The following CPNE4 variants were observed in gnomAD, a reference collection of about 807,000 sequenced individuals.
The protein encoded by CPNE4 is copine-4.
A neutral mutation model predicts 67.9 loss-of-function variants in CPNE4; 25 were observed. The observed-to-expected ratio is 0.37, with a 90% confidence interval of 0.27 to 0.51. The LOEUF is 0.51. CPNE4 is among the 20% of genes least tolerant of loss of function. The pLI is 0.93. For missense variants in CPNE4, 464 were observed against 690.8 expected (o/e 0.67, Z 3.68); for synonymous variants, 242 against 244.9 (o/e 0.99, Z 0.11).
chr3:131,572,978 C>T (rs534721270), intron 10 of CPNE4, among the ~76,000 whole-genome samples: 2 of 152,104 alleles, frequency 1.3e-5, no homozygotes, highest in Admixed American at 6.5e-5. Flanking sequence ...TTTTTCTTAA[C>T]GATTTGCATT....
intron 2 of CPNE4, among the ~76,000 whole-genome samples, chr3:131,737,681 C>T (rs1441603092): frequency 1.3e-5 from 2 of 152,096 alleles, no homozygotes; most frequent in Non-Finnish European, 2.9e-5. Context: ...TGCTAAGTCC[C>T]CAATGTTCAT....
At chr3:131,832,157 G>A (rs746678676) in intron 2 of CPNE4, among the ~76,000 whole-genome samples, 13 of 152,098 alleles carry the variant, frequency 8.5e-5, no homozygotes, top group South Asian at 2.1e-4. Context: ...CTTTAGAGGC[G>A]TTTGTTATAG....
At chr3:131,675,585 T>C (rs930625675) in intron 6 of CPNE4, among the ~76,000 whole-genome samples, 1 of 152,172 alleles carries the variant, frequency 6.6e-6, no homozygotes, top group Non-Finnish European at 1.5e-5. Flanking sequence ...TTCATTGTTT[T>C]TGTCTTGAAA....
intron 1 of CPNE4, among the ~76,000 whole-genome samples, chr3:131,907,565 CATTTATGT>C (rs2088822451): frequency 6.6e-6 from 1 of 151,994 alleles, no homozygotes; most frequent in Non-Finnish European, 1.5e-5. Flanking sequence ...CATGCTTATT[CATTTATGT>C]ATTTATGTAT....
At chr3:131,637,028 G>T (rs150527874) in intron 7 of CPNE4, among the ~76,000 whole-genome samples, 21 of 152,154 alleles carry the variant, frequency 1.4e-4, no homozygotes, top group African/African-American at 4.3e-4. Flanking sequence ...TGGGACAAAA[G>T]AATCTGAACA....
chr3:131,668,878 G>A (rs527755822), intron 7 of CPNE4, among the ~76,000 whole-genome samples: 18 of 152,136 alleles, frequency 1.2e-4, no homozygotes, highest in African/African-American at 2.9e-4. Flanking sequence ...GAAAGCCTTC[G>A]TGATAGATCG....
chr3:131,831,582 A>G (rs1398161130), intron 2 of CPNE4, among the ~76,000 whole-genome samples: 3 of 152,172 alleles, frequency 2.0e-5, no homozygotes, highest in African/African-American at 7.2e-5. Context: ...TTTCTCTTCT[A>G]TGTTGAAAAT....
rs57977015 is a variant in CPNE4, at chr3:131,627,193, C to CAAAAA, written c.682-39616_682-39612dup. Among the ~76,000 whole-genome samples the CAAAAA allele has an allele frequency of 2.7e-3, 184 of 68,308 alleles. 4 individuals carry two copies. The highest frequency in any genetic ancestry group is 2.1e-3 in the African/African-American group (51 of 24,238). 44.8% of individuals were successfully genotyped at this position (68,308 alleles called of 152,430 possible). A position where few individuals can be genotyped will look rare whatever the true frequency, so the allele number is the denominator to read the frequency against. On this transcript the variant is annotated intron_variant, in intron 7 of 15. Transcript: ENST00000429747. ...GGGTAGACAGAGTGAGACTCCATCT[C>CAAAAA]AAAAAAAAAAAAAAAAAGAAAAAAA...
At chr3:132,008,679 C>T (rs1031267841) in intron 1 of CPNE4, among the ~76,000 whole-genome samples, 4 of 152,078 alleles carry the variant, frequency 2.6e-5, no homozygotes, top group South Asian at 2.1e-4. Flanking sequence ...CCCATAAATT[C>T]TTTTATGAAG....
In CPNE4 at chr3:131,638,938, G is replaced by A. The variant is rs543155744; in HGVS notation, c.681+30737C>T. Reference sequence around the variant, plus strand: ...AAATGATCAACAATGAAATCAATATGGAAATTAAAAAATTCCTTGAACTGA... The same window carrying A: ...AAATGATCAACAATGAAATCAATATAGAAATTAAAAAATTCCTTGAACTGA... On this transcript the variant is annotated intron_variant, in intron 7 of 15. Coordinates refer to ENST00000429747, the MANE Select transcript of CPNE4 (RefSeq NM_130808.3). Among the ~76,000 whole-genome samples the A allele has an allele frequency of 5.3e-5, 8 of 152,016 alleles. No individual in the cohort carries two copies. The South Asian group carries it at 1.7e-3, about 32-fold the overall frequency.
intron 7 of CPNE4, among the ~76,000 whole-genome samples, chr3:131,605,786 G>A (rs1417361669): frequency 6.6e-6 from 1 of 152,084 alleles, no homozygotes; most frequent in Non-Finnish European, 1.5e-5. Context: ...AGAAGAAAAG[G>A]AGGAAGAAGA....
At chr3:131,789,005 G>GACACACACAC (rs150450935) in intron 2 of CPNE4, among the ~76,000 whole-genome samples, 32 of 133,742 alleles carry the variant, frequency 2.4e-4, no homozygotes, top group East Asian at 1.8e-3. Context: ...AACTCAACCA[G>GACACACACAC]ACACACACAC....
At chr3:131,549,301 C>T (rs1936045214) in intron 14 of CPNE4, among the ~76,000 whole-genome samples, 1 of 152,026 alleles carries the variant, frequency 6.6e-6, no homozygotes. Context: ...GAGCAAACTT[C>T]AGACATTGGT....
intron 2 of CPNE4, among the ~76,000 whole-genome samples, chr3:131,815,441 C>A (rs1035319651): frequency 4.6e-5 from 7 of 152,180 alleles, no homozygotes; most frequent in African/African-American, 1.7e-4. Context: ...TAGCTAAATT[C>A]TAGCGTGAGG....
At chr3:131,869,630 C>A (rs776395459) in intron 2 of CPNE4, among the ~76,000 whole-genome samples, 2 of 152,022 alleles carry the variant, frequency 1.3e-5, no homozygotes, top group Non-Finnish European at 2.9e-5. Flanking sequence ...AAAGATGCTG[C>A]TGAGTTTTTG....
intron 3 of CPNE4, among the ~76,000 whole-genome samples, chr3:131,719,797 T>C (rs73220435): frequency 0.089 from 13,576 of 152,268 alleles, 834 homozygotes; most frequent in Non-Finnish European, 0.13. Context: ...ATGGCTGTAG[T>C]GGTTCCAGGA....
intron 2 of CPNE4, among the ~76,000 whole-genome samples, chr3:131,868,222 T>C (rs1261059905): frequency 6.6e-6 from 1 of 152,198 alleles, no homozygotes; most frequent in African/African-American, 2.4e-5. Context: ...CATGGCCACC[T>C]GAAGTAAAGC....
At chr3:131,791,618 T>C (rs1226028868) in intron 2 of CPNE4, among the ~76,000 whole-genome samples, 1 of 152,160 alleles carries the variant, frequency 6.6e-6, no homozygotes, top group African/African-American at 2.4e-5. Context: ...AAGTATGAGT[T>C]CTTAGGCAGT....
Position 131,892,638 on chromosome 3 carries a change from T to C in CPNE4, c.180+12626A>G, listed in dbSNP as rs530792808. Among the ~76,000 whole-genome samples, 3 of 152,190 alleles carry C rather than the reference T, an allele frequency of 2.0e-5. No individual in the cohort carries two copies. In the South Asian group the frequency reaches 6.2e-4, roughly 32 times the overall value. On this transcript the variant is annotated intron_variant, in intron 2 of 15. Coordinates refer to ENST00000429747, the MANE Select transcript of CPNE4 (RefSeq NM_130808.3). The stretch of plus-strand genomic sequence containing the variant: ...AACAACAAAAGCTACATTTAGTGAC[T>C]AAGGAACACATAATGGATTTTTTTA...
Sources: allele counts gnomAD v4.1 joint callset (sites outside exome capture counted in the v4.1 genomes callset), GRCh38; gene constraint gnomAD v4.1.1; transcripts MANE v1.5; gene names NCBI Gene and HGNC (gene_info 2026-07-23, HGNC 2026-07-21).